Variants in KCND2 observed in about 807,000 individuals in gnomAD.
The protein encoded by KCND2 is A-type voltage-gated potassium channel KCND2.
In KCND2, 16 loss-of-function variants were observed where a neutral mutation model predicts 54.4. The observed-to-expected ratio is 0.29, with a 90% confidence interval of 0.20 to 0.45. The LOEUF is 0.45. KCND2 is among the 20% of genes least tolerant of loss of function. The pLI is 1.00. For missense variants in KCND2, 486 were observed against 824.2 expected (o/e 0.59, Z 5.02); for synonymous variants, 317 against 310.7 (o/e 1.02, Z -0.21).
chr7:120,746,835 G>GTCTT (rs1481859861), intron 5 of KCND2: 3 of 152,102 alleles, frequency 2.0e-5, no homozygotes, highest in African/African-American at 7.2e-5. Context: ...GCATTCAGAA[G>GTCTT]TCTTTGTTGA....
intron 3 of KCND2, 164 bp from the exon 4 acceptor site, chr7:120,742,346 C>T (rs184890718): frequency 3.1e-6 from 2 of 646,520 alleles, no homozygotes; most frequent in African/African-American, 1.8e-5. Flanking sequence ...TTGTAAATGC[C>T]GATCATCCAA....
In KCND2 at chr7:120,663,369, T is replaced by C. The variant is rs541696062; in HGVS notation, c.1116-69534T>C. On this transcript the variant is annotated intron_variant, in intron 1 of 5. Coordinates refer to ENST00000331113, the MANE Select transcript of KCND2 (RefSeq NM_012281.3). ...ATGATTTTTATGCCTCCCACCTGCT[T>C]TAGTTTTTTGAAATAATGGGATAAT... Among the ~76,000 whole-genome samples, 186 of 152,240 alleles carry C rather than the reference T, an allele frequency of 1.2e-3. 1 individual carries two copies. The highest frequency in any genetic ancestry group is 1.3e-4 in the Non-Finnish European group (9 of 68,008).
chr7:120,318,395 C>A (rs1799845181), intron 1 of KCND2, among the ~76,000 whole-genome samples: 1 of 152,088 alleles, frequency 6.6e-6, no homozygotes, highest in African/African-American at 2.4e-5. Flanking sequence ...GTCAAATACT[C>A]TCATTGATTC....
chr7:120,645,302 T>C (rs1456995862), intron 1 of KCND2, among the ~76,000 whole-genome samples: 1 of 152,100 alleles, frequency 6.6e-6, no homozygotes, highest in African/African-American at 2.4e-5. Flanking sequence ...CTGTGGCCCA[T>C]GACTAGTAGC....
chr7:120,622,689 A>ACTCT (rs751909741), intron 1 of KCND2, among the ~76,000 whole-genome samples: 1,410 of 125,940 alleles, frequency 0.011, 9 homozygotes, highest in Admixed American at 0.02. Flanking sequence ...ACACACACAC[A>ACTCT]CTCTCTCTCT....
intron 1 of KCND2, among the ~76,000 whole-genome samples, chr7:120,489,602 A>G (rs1249306060): frequency 6.6e-6 from 1 of 152,134 alleles, no homozygotes; most frequent in Non-Finnish European, 1.5e-5. Flanking sequence ...ATTTTTTCAT[A>G]TTGCATTTAC....
chr7:120,416,560 T>C (rs868135858), intron 1 of KCND2, among the ~76,000 whole-genome samples: 1 of 152,172 alleles, frequency 6.6e-6, no homozygotes, highest in Non-Finnish European at 1.5e-5. Context: ...AAACAATCAG[T>C]TCAATTCAGT....
chr7:120,612,677 C>A (rs1004400074), intron 1 of KCND2, among the ~76,000 whole-genome samples: 1 of 152,174 alleles, frequency 6.6e-6, no homozygotes, highest in Admixed American at 6.5e-5. Flanking sequence ...AAAGAACGTG[C>A]CTTTCAGTCA....
intron 1 of KCND2, among the ~76,000 whole-genome samples, chr7:120,431,271 A>G (rs993856245): frequency 1.3e-5 from 2 of 152,246 alleles, no homozygotes; most frequent in Non-Finnish European, 2.9e-5. Context: ...TTAAAGTACT[A>G]TACTAGGCTC....
At chr7:120,342,747 G>T (rs1563015835) in intron 1 of KCND2, among the ~76,000 whole-genome samples, 1 of 152,006 alleles carries the variant, frequency 6.6e-6, no homozygotes, top group Non-Finnish European at 1.5e-5. Flanking sequence ...ATGAATAATA[G>T]AATGCATATA....
At chr7:120,463,890 A>AGATGATT (rs1389871183) in intron 1 of KCND2, 1 of 174,930 alleles carries the variant, frequency 5.7e-6, no homozygotes, top group African/African-American at 2.8e-5. Flanking sequence ...GATAGAAGAT[A>AGATGATT]GATAGATGAT....
intron 1 of KCND2, among the ~76,000 whole-genome samples, chr7:120,649,193 A>G (rs1272064025): frequency 6.6e-6 from 1 of 152,038 alleles, no homozygotes; most frequent in Non-Finnish European, 1.5e-5. Flanking sequence ...TTAAATCAAG[A>G]TATTTTGTCT....
chr7:120,514,171 G>A (rs1803162149), intron 1 of KCND2, among the ~76,000 whole-genome samples: 1 of 152,034 alleles, frequency 6.6e-6, no homozygotes, highest in African/African-American at 2.4e-5. Flanking sequence ...TGGCAAATCT[G>A]AATTATATAA....
intron 1 of KCND2, among the ~76,000 whole-genome samples, chr7:120,713,100 G>A (rs538435820): frequency 4.4e-4 from 67 of 152,194 alleles, no homozygotes; most frequent in African/African-American, 1.6e-3. Flanking sequence ...TCATTGTGAG[G>A]TTACGAACTT....
At chr7:120,686,348 G>T (rs66986475) in intron 1 of KCND2, among the ~76,000 whole-genome samples, 20,687 of 152,036 alleles carry the variant, frequency 0.14, 1,506 homozygotes, top group African/African-American at 0.17. Flanking sequence ...GTTTTCCATA[G>T]TTGCTGCACC....
At chr7:120,683,269 G>T (rs1478245835) in intron 1 of KCND2, among the ~76,000 whole-genome samples, 1 of 152,114 alleles carries the variant, frequency 6.6e-6, no homozygotes, top group East Asian at 1.9e-4. Flanking sequence ...ATTACAAATG[G>T]AGATGGAGGA....
At chr7:120,578,138 A>G (rs1792463430) in intron 1 of KCND2, among the ~76,000 whole-genome samples, 1 of 152,010 alleles carries the variant, frequency 6.6e-6, no homozygotes, top group Non-Finnish European at 1.5e-5. Context: ...AGGAAGAAAA[A>G]TTAGCCTGAT....
chr7:120,599,899 C>T (rs78496809), intron 1 of KCND2, among the ~76,000 whole-genome samples: 135 of 152,018 alleles, frequency 8.9e-4, no homozygotes, highest in African/African-American at 3.1e-3. Context: ...GTTTTTCTTT[C>T]ACAGTTAATT....
intron 1 of KCND2, among the ~76,000 whole-genome samples, chr7:120,495,686 C>CTTTAGCCACAATT (rs1251628813): frequency 6.6e-6 from 1 of 152,140 alleles, no homozygotes; most frequent in Non-Finnish European, 1.5e-5. Flanking sequence ...TGCACTTATT[C>CTTTAGCCACAATT]TGGCTAAAGT....
Sources: gnomAD v4.1 joint callset for allele counts (sites outside exome capture counted in the v4.1 genomes callset) on GRCh38, gnomAD v4.1.1 for gene constraint, MANE v1.5 for transcripts, NCBI Gene and HGNC (gene_info 2026-07-23, HGNC 2026-07-21) for gene names.